CSMD1: variants seen among roughly 807,000 people sequenced by gnomAD.
CSMD1 encodes the protein CUB and Sushi multiple domains 1, also known as CUB and sushi domain-containing protein 1.
A neutral mutation model predicts 417.5 loss-of-function variants in CSMD1; 213 were observed. The ratio of observed to expected loss-of-function variants is 0.51; its 90% CI spans 0.46 to 0.57. CSMD1 has a LOEUF of 0.57. Among genes scored for constraint, CSMD1 ranks in the 20% least tolerant of loss-of-function variants. The pLI, the probability that CSMD1 is intolerant of heterozygous loss-of-function variation, is 0.00. For synonymous variants in CSMD1, 2,862 were observed against 1,736.8 expected (o/e 1.65, Z -16.11); for missense variants, 6,923 against 4,529.7 (o/e 1.53, Z -15.17).
At chr8:4,917,078 T>A (rs561219536) in intron 1 of CSMD1, among the ~76,000 whole-genome samples, 1 of 152,252 alleles carries the variant, frequency 6.6e-6, no homozygotes, top group East Asian at 1.9e-4. Flanking sequence ...GTAGACTATC[T>A]ATAGGAAGCA....
intron 5 of CSMD1, among the ~76,000 whole-genome samples, chr8:3,841,183 T>C (rs757156246): frequency 3.4e-4 from 51 of 152,170 alleles, no homozygotes; most frequent in Non-Finnish European, 6.5e-4. Flanking sequence ...TTTTTATGTA[T>C]GTAATACAAA....
intron 6 of CSMD1, among the ~76,000 whole-genome samples, chr8:3,724,913 C>G (rs1279411993): frequency 6.6e-6 from 1 of 152,176 alleles, no homozygotes; most frequent in African/African-American, 2.4e-5. Flanking sequence ...GGTAAAGAAG[C>G]ACATGCCCCA....
At chr8:3,508,006 G>T (rs946461232) in intron 10 of CSMD1, among the ~76,000 whole-genome samples, 10 of 152,112 alleles carry the variant, frequency 6.6e-5, no homozygotes, top group African/African-American at 2.4e-4. Flanking sequence ...AGGCTCTTGA[G>T]TTTTATTAGA....
chr8:3,257,263 G>T (rs995871596), intron 26 of CSMD1, among the ~76,000 whole-genome samples: 1 of 152,156 alleles, frequency 6.6e-6, no homozygotes, highest in Non-Finnish European at 1.5e-5. Flanking sequence ...GGCAGAGTTC[G>T]CAGCAAGCCA....
intron 5 of CSMD1, among the ~76,000 whole-genome samples, chr8:3,914,886 C>A (rs1028469800): frequency 6.6e-6 from 1 of 152,134 alleles, no homozygotes; most frequent in Non-Finnish European, 1.5e-5. Flanking sequence ...TTTTATGCTG[C>A]TGAAATCTTA....
At chr8:4,464,195 C>G (rs183941887) in intron 2 of CSMD1, among the ~76,000 whole-genome samples, 1 of 152,270 alleles carries the variant, frequency 6.6e-6, no homozygotes, top group East Asian at 1.9e-4. Context: ...TCTAATTTAG[C>G]CTTCCAAGAC....
chr8:4,099,803 A>G (rs530733102), intron 3 of CSMD1, among the ~76,000 whole-genome samples: 2 of 152,292 alleles, frequency 1.3e-5, no homozygotes, highest in South Asian at 4.1e-4. Flanking sequence ...TGGGAAGGCT[A>G]CTTTAAATCC....
chr8:2,970,204 T>C lies in CSMD1; in HGVS notation c.8923+2913A>G, dbSNP rs572193279. Among the ~76,000 whole-genome samples, 14 of 152,322 alleles carry C rather than the reference T, an allele frequency of 9.2e-5. No homozygotes were observed. The South Asian group carries it at 2.5e-3, about 27-fold the overall frequency. ...GTGTACTTTGCTGGACTAGAACTCA[T>C]AGTGTGCCTTCATAGCCCCACAGAG... On this transcript the variant is annotated intron_variant, in intron 57 of 69. Coordinates refer to ENST00000635120, the MANE Select transcript of CSMD1 (RefSeq NM_033225.6).
intron 5 of CSMD1, among the ~76,000 whole-genome samples, chr8:3,834,573 T>C (rs1427646296): frequency 6.6e-6 from 1 of 152,230 alleles, no homozygotes; most frequent in Non-Finnish European, 1.5e-5. Flanking sequence ...ATCCTGGCTG[T>C]ATTACAAATA....
intron 1 of CSMD1, among the ~76,000 whole-genome samples, chr8:4,780,614 G>C (rs939894155): frequency 4.7e-4 from 72 of 151,868 alleles, no homozygotes; most frequent in African/African-American, 1.6e-3. Context: ...GTGGTATTTG[G>C]TTACATGAAC....
intron 6 of CSMD1, among the ~76,000 whole-genome samples, chr8:3,753,513 G>A (rs1279676263): frequency 6.6e-6 from 1 of 152,198 alleles, no homozygotes; most frequent in African/African-American, 2.4e-5. Context: ...TTTATGTGGT[G>A]TGAAGACCTT....
chr8:3,978,382 T>C (rs1413580402), intron 5 of CSMD1, among the ~76,000 whole-genome samples: 3 of 152,212 alleles, frequency 2.0e-5, no homozygotes, highest in African/African-American at 4.8e-5. Flanking sequence ...TTATCAAATA[T>C]TCATAATTCA....
chr8:3,993,322 G>C (rs1386718330), intron 5 of CSMD1, among the ~76,000 whole-genome samples: 2 of 152,168 alleles, frequency 1.3e-5, no homozygotes, highest in African/African-American at 4.8e-5. Flanking sequence ...ATTGATTTCA[G>C]GGAGTCTGTT....
intron 12 of CSMD1, among the ~76,000 whole-genome samples, chr8:3,452,228 G>C (rs138153857): frequency 0.098 from 14,871 of 152,188 alleles, 874 homozygotes; most frequent in East Asian, 0.25. Flanking sequence ...TGAGACAATG[G>C]GGTTTTCTAA....
intron 16 of CSMD1, among the ~76,000 whole-genome samples, chr8:3,398,034 A>G (rs1434423133): frequency 6.6e-6 from 1 of 152,250 alleles, no homozygotes; most frequent in Non-Finnish European, 1.5e-5. Flanking sequence ...AATGGAATTT[A>G]GCAAAACATC....
intron 42 of CSMD1, among the ~76,000 whole-genome samples, chr8:3,114,894 T>G (rs549576643): frequency 6.6e-6 from 1 of 152,282 alleles, no homozygotes; most frequent in East Asian, 1.9e-4. Flanking sequence ...AAAGAAGCTG[T>G]TAACATACCT....
At chr8:3,516,415 T>C (rs1367236328) in intron 10 of CSMD1, among the ~76,000 whole-genome samples, 3 of 152,192 alleles carry the variant, frequency 2.0e-5, no homozygotes, top group Admixed American at 6.5e-5. Flanking sequence ...GAATGCAGAC[T>C]AGTTTTCAAA....
At position 3,620,592 on chromosome 8, in the gene CSMD1, G is replaced by A. The variant is rs141600239; in HGVS notation, c.1010-3795C>T. ...ATGAAGTAAACTGGTGTCAATTTAA[G>A]ATACTGCCATCATTGTAGGATGTTA... On this transcript the variant is annotated intron_variant, in intron 7 of 69. Coordinates refer to ENST00000635120, the MANE Select transcript of CSMD1 (RefSeq NM_033225.6). Among the ~76,000 whole-genome samples, 8 of 152,222 alleles carry A rather than the reference G, an allele frequency of 5.3e-5. No homozygotes were observed. In the East Asian group the frequency reaches 1.5e-3, roughly 29 times the overall value.
chr8:4,359,542 C>T (rs887073217), intron 3 of CSMD1, among the ~76,000 whole-genome samples: 3 of 152,188 alleles, frequency 2.0e-5, no homozygotes, highest in African/African-American at 7.2e-5. Flanking sequence ...TCCTTCCAAT[C>T]CTCTTGCGCA....
Sources: gnomAD v4.1 joint callset for allele counts (sites outside exome capture counted in the v4.1 genomes callset) on GRCh38, gnomAD v4.1.1 for gene constraint, MANE v1.5 for transcripts, NCBI Gene and HGNC (gene_info 2026-07-23, HGNC 2026-07-21) for gene names.